Variants in AK3 observed in about 807,000 individuals in gnomAD.
AK3 encodes the protein GTP:AMP phosphotransferase AK3, mitochondrial.
In AK3, 27 loss-of-function variants were observed where a neutral mutation model predicts 23.7. That is an observed-to-expected ratio of 1.14 (90% CI 0.84 to 1.57). AK3 has a LOEUF of 1.57. Among genes scored for constraint, AK3 ranks in the 40% most tolerant of loss-of-function variants. The pLI is 0.00. For missense variants in AK3, 406 were observed against 285.6 expected, an observed-to-expected ratio of 1.42 and a Z score of -3.04; for synonymous variants, 159 against 116.0, an observed-to-expected ratio of 1.37 and a Z score of -2.38.
chr9:4,721,702 G>A (rs60779059), intron 2 of AK3, among the ~76,000 whole-genome samples: 1 of 152,116 alleles, frequency 6.6e-6, no homozygotes, highest in East Asian at 1.9e-4. Context: ...CAGGTGATCC[G>A]CCCACCTTGG....
chr9:4,738,500 G>A (rs935846823), intron 1 of AK3, among the ~76,000 whole-genome samples: 1 of 151,748 alleles, frequency 6.6e-6, no homozygotes, highest in African/African-American at 2.4e-5. Context: ...AATGATGTGT[G>A]AACATGCTCA....
intron 1 of AK3, among the ~76,000 whole-genome samples, chr9:4,728,285 G>A (rs962550248): frequency 6.6e-6 from 1 of 152,140 alleles, no homozygotes; most frequent in African/African-American, 2.4e-5. Context: ...AAAAACAAGT[G>A]TTAGGCCAGG....
intron 1 of AK3, among the ~76,000 whole-genome samples, chr9:4,738,612 G>A (rs1424588255): frequency 6.7e-6 from 1 of 149,152 alleles, no homozygotes. Context: ...AAAAGAAAAA[G>A]AAAAAAAAAG....
At chr9:4,717,926 A>G (rs189257211) in intron 4 of AK3, among the ~76,000 whole-genome samples, 1 of 152,322 alleles carries the variant, frequency 6.6e-6, no homozygotes, top group East Asian at 1.9e-4. Context: ...TGCCAACTCT[A>G]GAAGTGGACT....
Position 4,714,011 on chromosome 9 carries a change from C to CCTACACATATACAG in AK3, c.564-929_564-916dup, listed in dbSNP as rs1184538843. Among the ~76,000 whole-genome samples the CCTACACATATACAG allele has an allele frequency of 6.3e-5, 6 of 95,598 alleles. 1 individual carries two copies. In the East Asian group the frequency reaches 1.2e-3, roughly 19 times the overall value. The allele number at this position is 95,598 out of a possible 152,430, so 62.7% of individuals were successfully genotyped here. A position where few individuals can be genotyped will look rare whatever the true frequency, so the allele number is the denominator to read the frequency against. On this transcript the variant is annotated intron_variant, in intron 4 of 4. Transcript: ENST00000381809. ...ACACATATACGCCTACACATATACA[C>CCTACACATATACAG]CTACACATATACAGCTACACATATA...
At chr9:4,717,816 T>G (rs1227525187) in intron 4 of AK3, among the ~76,000 whole-genome samples, 1 of 152,238 alleles carries the variant, frequency 6.6e-6, no homozygotes, top group African/African-American at 2.4e-5. Context: ...TAAGTTATGG[T>G]GCTTGGTATT....
rs749337725 is a variant in AK3 at position 4,713,051 on chromosome 9, CTTG to C, written c.606_608del (p.Asn202del). ...GGAAAGCATATACATAGGGCCAAAT[CTTG>C]TTGGTTTCTGTTCCGGAGAATGTTT... On this transcript the variant is annotated inframe_deletion, in exon 5 of 5. Coordinates refer to ENST00000381809, the MANE Select transcript of AK3 (RefSeq NM_016282.4). 2.5e-6 allele frequency: 4 copies of C among 1,613,786 alleles called. No individual in the cohort carries two copies. In the South Asian group the frequency reaches 4.4e-5, roughly 18 times the overall value.
intron 1 of AK3, among the ~76,000 whole-genome samples, chr9:4,725,341 G>T (rs980148918): frequency 6.6e-6 from 1 of 151,574 alleles, no homozygotes; most frequent in African/African-American, 2.4e-5. Flanking sequence ...AGAAAACACA[G>T]GTATAAATCT....
At chr9:4,722,447 A>C in intron 2 of AK3, 59 bp downstream of exon 2, 1 of 1,610,730 alleles carries the variant, frequency 6.2e-7, no homozygotes, top group Non-Finnish European at 8.5e-7. Context: ...TGAAATGCTC[A>C]TTCTCCTGCC....
Position 4,726,173 on chromosome 9 carries a change from C to T in AK3, c.152-3548G>A, listed in dbSNP as rs202075070. Among the ~76,000 whole-genome samples, 12 of 152,210 alleles carry T rather than the reference C, an allele frequency of 7.9e-5. No individual in the cohort carries two copies. The East Asian group carries it at 1.9e-3, about 24-fold the overall frequency. On this transcript the variant is annotated intron_variant, in intron 1 of 4. Transcript: ENST00000381809. ...ATCTTTTTGCTGATGGAGGGTCTTG[C>T]CTCCATGGCTGATGGCTGCTGACTG... is the stretch of plus-strand genomic sequence containing the variant.
At chr9:4,719,696 C>T (rs1314068256) in intron 2 of AK3, among the ~76,000 whole-genome samples, 1 of 152,152 alleles carries the variant, frequency 6.6e-6, no homozygotes, top group Non-Finnish European at 1.5e-5. Flanking sequence ...AAGAATTCCT[C>T]CTGCCTGCTA....
At chr9:4,729,426 C>A (rs558442037) in intron 1 of AK3, among the ~76,000 whole-genome samples, 3 of 152,188 alleles carry the variant, frequency 2.0e-5, no homozygotes, top group African/African-American at 7.2e-5. Context: ...GAGCCATGAT[C>A]GCGCCACTGT....
chr9:4,731,684 A>G (rs1204168638), intron 1 of AK3, among the ~76,000 whole-genome samples: 1 of 152,160 alleles, frequency 6.6e-6, no homozygotes, highest in African/African-American at 2.4e-5. Flanking sequence ...CTTAACCAGC[A>G]TGTTCTCTGG....
intron 1 of AK3, among the ~76,000 whole-genome samples, chr9:4,739,432 G>A (rs1842372495): frequency 1.3e-5 from 2 of 150,766 alleles, no homozygotes. Flanking sequence ...AAGGTCAAGT[G>A]ATCCGCCCGC....
chr9:4,722,134 A>C (rs946902890), intron 2 of AK3, among the ~76,000 whole-genome samples: 1 of 152,204 alleles, frequency 6.6e-6, no homozygotes, highest in Non-Finnish European at 1.5e-5. Context: ...TATATTAACA[A>C]AACTAAAAAT....
At chr9:4,741,732 C>G (rs1556362), upstream of AK3, 66,553 of 151,544 alleles carry the variant, frequency 0.44, 15,480 homozygotes, top group East Asian at 0.72. Context: ...CAGTCCTTGC[C>G]GGACACACCG....
intron 1 of AK3, among the ~76,000 whole-genome samples, chr9:4,735,776 TATTTTAAAAAGAAAAAAA>T (rs1359499936): frequency 1.2e-5 from 1 of 80,448 alleles, no homozygotes; most frequent in Non-Finnish European, 2.3e-5. Context: ...GCCAAAAAAA[TATTTTAAAAAGAAAAAAA>T]TTTTAAAAGA....
rs1191421338 is a variant in AK3 at position 4,741,054 on chromosome 9, T to C, written c.34A>G (p.Ile12Val). Residue 12 changes from isoleucine (I) to valine (V), a missense_variant, in exon 1 of 5, where the codon ATC becomes GTC. By Grantham distance (29) the Ile-to-Val change is conservative. Transcript: ENST00000381809. ...GASARLLRAV[I>V]MGAPGSGKGT... ...TTGCCCGAGCCCGGGGCCCCCATGATCACCGCTCGCAGCAGCCGCGCGGAC... is the reference window on the plus strand; with the variant it reads ...TTGCCCGAGCCCGGGGCCCCCATGACCACCGCTCGCAGCAGCCGCGCGGAC... 2.6e-6 allele frequency: 4 copies of C among 1,567,092 alleles called. No homozygotes were observed. The highest frequency in any genetic ancestry group is 1.9e-5 in the Admixed American group (1 of 52,960).
intron 1 of AK3, among the ~76,000 whole-genome samples, chr9:4,732,431 C>T (rs544904593): frequency 6.6e-6 from 1 of 152,160 alleles, no homozygotes; most frequent in Non-Finnish European, 1.5e-5. Flanking sequence ...TTTGACTACA[C>T]TAGGAATCGG....
Sources: allele counts gnomAD v4.1 joint callset (sites outside exome capture counted in the v4.1 genomes callset), GRCh38; gene constraint gnomAD v4.1.1; transcripts MANE v1.5; gene names NCBI Gene and HGNC (gene_info 2026-07-23, HGNC 2026-07-21).